Variants in ITGA2 observed in about 807,000 individuals in gnomAD.
ITGA2 encodes the protein integrin alpha-2.
Under a neutral mutation model 146.3 loss-of-function variants are expected in ITGA2, and 101 were observed. That is an observed-to-expected ratio of 0.69 (90% confidence interval 0.59 to 0.81). ITGA2 has a LOEUF of 0.81. ITGA2 is among the 40% of genes least tolerant of loss of function. The probability of loss-of-function intolerance (pLI) is 0.00; values close to 1 mark genes in which losing one functional copy is unlikely to be tolerated. For missense variants in ITGA2, 1,281 were observed against 1,402.7 expected, an observed-to-expected ratio of 0.91 and a Z score of 1.39; for synonymous variants, 477 against 487.1, an observed-to-expected ratio of 0.98 and a Z score of 0.27.
chr5:53,080,582 G>A lies in ITGA2; in HGVS notation c.3000G>A (p.Lys1000=). 1 of 1,613,588 alleles carries A rather than the reference G, an allele frequency of 6.2e-7. No individual in the cohort carries two copies. Among genetic ancestry groups the A allele is most frequent in the Non-Finnish European group, 8.5e-7 (1 of 1,179,704 alleles). Residue 1000 remains lysine, a synonymous_variant, in exon 25 of 30, where the codon AAG becomes AAA. Coordinates refer to ENST00000296585, the MANE Select transcript of ITGA2 (RefSeq NM_002203.4). ...IIHIPQYTKE[K]NPLMYLTGVQ... The stretch of plus-strand genomic sequence containing the variant: ...ACATCCCTCAGTATACCAAAGAAAA[G>A]AACCCACTGATGTACCTAACTGGGG...
chr5:53,080,449 G>A lies in ITGA2; in HGVS notation c.2929-62G>A. ...GCCCTTCATCAACACGGGGTTACTG[G>A]TGAATTTCCTTGCATCATGTACATC... On this transcript the variant is annotated intron_variant, in intron 24 of 29. Coordinates refer to ENST00000296585, the MANE Select transcript of ITGA2 (RefSeq NM_002203.4). The A allele has an allele frequency of 3.0e-6, 4 of 1,316,756 alleles. No individual in the cohort carries two copies. In the South Asian group the frequency reaches 3.5e-5, roughly 12 times the overall value. 81.6% of individuals were successfully genotyped at this position (1,316,756 alleles called of 1,614,324 possible).
chr5:53,082,590 CT>C (rs1473727855), intron 26 of ITGA2, among the ~76,000 whole-genome samples: 9 of 152,104 alleles, frequency 5.9e-5, no homozygotes, highest in South Asian at 2.1e-4. Context: ...CATATACCCC[CT>C]GTCCCACACA....
intron 20 of ITGA2, among the ~76,000 whole-genome samples, 176 bp downstream of exon 20, chr5:53,073,435 GA>G (rs1745497916): frequency 6.6e-6 from 1 of 151,828 alleles, no homozygotes; most frequent in Non-Finnish European, 1.5e-5. Context: ...TCTATATCTA[GA>G]TTCTGCTTGA....
At chr5:53,066,706 A>G (rs1200760313) in intron 15 of ITGA2, among the ~76,000 whole-genome samples, 1 of 151,946 alleles carries the variant, frequency 6.6e-6, no homozygotes, top group Non-Finnish European at 1.5e-5. Flanking sequence ...CTTTTAAAGA[A>G]TGAAGTACAT....
At chr5:53,028,750 G>A (rs1172956416) in intron 2 of ITGA2, among the ~76,000 whole-genome samples, 2 of 152,276 alleles carry the variant, frequency 1.3e-5, no homozygotes, top group East Asian at 1.9e-4. Flanking sequence ...TCTTTGACTT[G>A]TCTTCTTTCT....
At chr5:53,046,218 A>G (rs985519865) in intron 4 of ITGA2, among the ~76,000 whole-genome samples, 1 of 151,400 alleles carries the variant, frequency 6.6e-6, no homozygotes, top group Non-Finnish European at 1.5e-5. Context: ...AAAAAAAAGA[A>G]AAAAAAGTCT....
At chr5:53,070,055 T>A in intron 16 of ITGA2, 54 bp from the exon 17 acceptor site, 2 of 1,470,054 alleles carry the variant, frequency 1.4e-6, no homozygotes. Context: ...CAAAGATGCT[T>A]TTTCCTATAA....
At chr5:52,993,238 G>A (rs1741063927) in intron 1 of ITGA2, among the ~76,000 whole-genome samples, 2 of 152,106 alleles carry the variant, frequency 1.3e-5, no homozygotes, top group Non-Finnish European at 2.9e-5. Flanking sequence ...TGGGACTTAG[G>A]CCGCCCTCTG....
chr5:53,005,715 A>G (rs956511228), intron 1 of ITGA2, among the ~76,000 whole-genome samples: 2 of 152,124 alleles, frequency 1.3e-5, no homozygotes, highest in African/African-American at 2.4e-5. Flanking sequence ...AGTACTTACC[A>G]TTTGTTAGAC....
intron 23 of ITGA2, among the ~76,000 whole-genome samples, chr5:53,077,592 T>C (rs1426147005): frequency 3.3e-5 from 5 of 152,052 alleles, no homozygotes; most frequent in Non-Finnish European, 7.4e-5. Flanking sequence ...CTGGAAGGCA[T>C]AGGAAATAAT....
At chr5:52,997,088 C>T (rs1741303218) in intron 1 of ITGA2, among the ~76,000 whole-genome samples, 1 of 152,224 alleles carries the variant, frequency 6.6e-6, no homozygotes, top group African/African-American at 2.4e-5. Context: ...TCTATGCCTG[C>T]TAACTCTTGA....
At chr5:53,040,952 T>C (rs928862570) in intron 2 of ITGA2, among the ~76,000 whole-genome samples, 1 of 152,156 alleles carries the variant, frequency 6.6e-6, no homozygotes, top group Non-Finnish European at 1.5e-5. Context: ...TTGTCACATA[T>C]ATCTAGTTTT....
intron 1 of ITGA2, among the ~76,000 whole-genome samples, chr5:53,021,220 A>G (rs1184962863): frequency 6.6e-6 from 1 of 152,032 alleles, no homozygotes; most frequent in Non-Finnish European, 1.5e-5. Context: ...TACCATTTGC[A>G]TATTCACGCC....
intron 1 of ITGA2, among the ~76,000 whole-genome samples, chr5:52,997,074 C>T (rs1200083034): frequency 6.6e-6 from 1 of 152,168 alleles, no homozygotes; most frequent in East Asian, 1.9e-4. Context: ...AGTGTTTTAT[C>T]CAGTCTATGC....
intron 1 of ITGA2, among the ~76,000 whole-genome samples, chr5:53,024,214 C>T (rs1239486548): frequency 1.3e-5 from 2 of 152,118 alleles, no homozygotes; most frequent in African/African-American, 4.8e-5. Flanking sequence ...ATTGTTGTGG[C>T]ACTCAAATGA....
intron 1 of ITGA2, among the ~76,000 whole-genome samples, chr5:53,019,370 C>T (rs1467593565): frequency 6.6e-6 from 1 of 152,066 alleles, no homozygotes; most frequent in African/African-American, 2.4e-5. Flanking sequence ...GTGTATCGTT[C>T]CGAGTAGTGT....
chr5:53,061,533 T>C lies in ITGA2; in HGVS notation c.1458+487T>C, dbSNP rs187916453. 3.9e-3 allele frequency among the ~76,000 whole-genome samples: 596 copies of C among 152,062 alleles called. 1 individual carries two copies. Among genetic ancestry groups the C allele is most frequent in the Non-Finnish European group, 6.7e-3 (454 of 67,896 alleles). ...ACTTTTACATCTGAACCTGTCAGAA[T>C]GTCCTGTTGGTTTTGAAGATTCTAA... On this transcript the variant is annotated intron_variant, in intron 12 of 29. Transcript: ENST00000296585.
At chr5:53,073,964 A>C (rs1032921521) in intron 20 of ITGA2, among the ~76,000 whole-genome samples, 3 of 147,260 alleles carry the variant, frequency 2.0e-5, no homozygotes, top group Non-Finnish European at 3.0e-5. Context: ...AAAAAAAAAA[A>C]AACCCTCAAA....
chr5:53,002,121 A>G (rs1421941), intron 1 of ITGA2, among the ~76,000 whole-genome samples: 26,049 of 152,034 alleles, frequency 0.17, 2,354 homozygotes, highest in Non-Finnish European at 0.2. Flanking sequence ...CTGATAGAAA[A>G]TTAGATTTTT....
Sources: allele counts gnomAD v4.1 joint callset (sites outside exome capture counted in the v4.1 genomes callset), GRCh38; gene constraint gnomAD v4.1.1; transcripts MANE v1.5; gene names NCBI Gene and HGNC (gene_info 2026-07-23, HGNC 2026-07-21).